The following FRMD6 variants were observed in gnomAD, a reference collection of about 807,000 sequenced individuals.
FRMD6 encodes FERM domain-containing protein 6.
FRMD6 carries 37 observed loss-of-function variants against 73.2 expected under a neutral mutation model. The observed-to-expected ratio is 0.51, with a 90% CI of 0.39 to 0.66. FRMD6 has a LOEUF of 0.66. Ranked by LOEUF, FRMD6 falls within the 30% of genes least tolerant of loss-of-function variation. The pLI is 0.00. For synonymous variants in FRMD6, 273 were observed against 282.2 expected (o/e 0.97, Z 0.33); for missense variants, 714 against 780.5 (o/e 0.91, Z 1.02).
At chr14:51,568,489 G>A (rs978931108) in intron 1 of FRMD6, among the ~76,000 whole-genome samples, 2 of 152,218 alleles carry the variant, frequency 1.3e-5, no homozygotes, top group African/African-American at 4.8e-5. Flanking sequence ...GAGGAGAGGT[G>A]ACTAAGAAAT....
the FRMD6 span, among the ~76,000 whole-genome samples, chr14:51,439,819 G>A: frequency 2.0e-5 from 3 of 152,148 alleles, no homozygotes; most frequent in African/African-American, 7.2e-5. Context: ...AGTTACTTCT[G>A]TGTATTATTA....
chr14:51,723,768 C>A, intron 12 of FRMD6, among the ~76,000 whole-genome samples: 1 of 98,776 alleles, frequency 1.0e-5, no homozygotes, highest in African/African-American at 3.8e-5. Context: ...GAGTGAGACT[C>A]TGTCAAAAAA....
intron 1 of FRMD6, among the ~76,000 whole-genome samples, chr14:51,664,151 A>G (rs1401001616): frequency 6.6e-6 from 1 of 152,244 alleles, no homozygotes; most frequent in Non-Finnish European, 1.5e-5. Flanking sequence ...GCCACACAGC[A>G]TAGTGCCCCA....
At chr14:51,691,269 A>G (rs1450418307) in intron 2 of FRMD6, among the ~76,000 whole-genome samples, 1 of 152,344 alleles carries the variant, frequency 6.6e-6, no homozygotes, top group East Asian at 1.9e-4. Flanking sequence ...ATGGATAGAT[A>G]TTGAGTTTTG....
At chr14:51,630,816 A>G (rs1891307318) in intron 2 of FRMD6, among the ~76,000 whole-genome samples, 1 of 152,232 alleles carries the variant, frequency 6.6e-6, no homozygotes, top group Non-Finnish European at 1.5e-5. Context: ...TCAACTAATG[A>G]GAAAATGTAA....
chr14:51,403,842 G>A, the FRMD6 span, among the ~76,000 whole-genome samples: 2 of 151,902 alleles, frequency 1.3e-5, no homozygotes, highest in African/African-American at 2.4e-5. Flanking sequence ...ATAAACTTTT[G>A]GATTTTTTTC....
chr14:51,586,318 A>T (rs1889048723), intron 2 of FRMD6, among the ~76,000 whole-genome samples: 1 of 152,040 alleles, frequency 6.6e-6, no homozygotes, highest in Admixed American at 6.6e-5. Flanking sequence ...TTCAATTTGC[A>T]CGTCTCTGGT....
At chr14:51,544,493 T>C (rs1229887475) in intron 1 of FRMD6, among the ~76,000 whole-genome samples, 1 of 152,066 alleles carries the variant, frequency 6.6e-6, no homozygotes, top group Non-Finnish European at 1.5e-5. Context: ...TATATACTCA[T>C]AGTTTGAAAA....
At chr14:51,590,120 A>G (rs1046690007) in intron 2 of FRMD6, among the ~76,000 whole-genome samples, 2 of 151,894 alleles carry the variant, frequency 1.3e-5, no homozygotes, top group Non-Finnish European at 2.9e-5. Flanking sequence ...AAGTTTTGTT[A>G]ATGTTGGATT....
At chr14:51,585,348 C>G (rs1008946233) in intron 2 of FRMD6, among the ~76,000 whole-genome samples, 4 of 152,162 alleles carry the variant, frequency 2.6e-5, no homozygotes, top group African/African-American at 9.7e-5. Flanking sequence ...GGAGTGACCC[C>G]TTTCTCCTTT....
At chr14:51,426,619 A>G in the FRMD6 span, among the ~76,000 whole-genome samples, 3 of 152,234 alleles carry the variant, frequency 2.0e-5, no homozygotes, top group Admixed American at 2.0e-4. Flanking sequence ...AGTAATGTAT[A>G]ACCTTGAATG....
At chr14:51,440,622 G>A in the FRMD6 span, among the ~76,000 whole-genome samples, 1 of 152,150 alleles carries the variant, frequency 6.6e-6, no homozygotes, top group Non-Finnish European at 1.5e-5. Context: ...GTTTGTGAAG[G>A]CAGAATAGTG....
the FRMD6 span, among the ~76,000 whole-genome samples, chr14:51,430,186 A>G: frequency 8.8e-4 from 134 of 152,358 alleles, 1 homozygote; most frequent in Non-Finnish European, 1.3e-3. Flanking sequence ...AATGAAATTC[A>G]TGACATGTAA....
At chr14:51,610,552 C>A (rs945567279) in intron 2 of FRMD6, among the ~76,000 whole-genome samples, 1 of 151,842 alleles carries the variant, frequency 6.6e-6, no homozygotes, top group African/African-American at 2.4e-5. Flanking sequence ...AACCAGGATC[C>A]CCAACATTGC....
At chr14:51,414,214 A>G in the FRMD6 span, among the ~76,000 whole-genome samples, 1 of 152,236 alleles carries the variant, frequency 6.6e-6, no homozygotes, top group Admixed American at 6.5e-5. Flanking sequence ...TGTTTTAGAC[A>G]TGAAGTCCTT....
chr14:51,620,849 T>A (rs569668333), intron 2 of FRMD6, among the ~76,000 whole-genome samples: 1 of 152,304 alleles, frequency 6.6e-6, no homozygotes, highest in South Asian at 2.1e-4. Context: ...AGACATATCA[T>A]TGGTTACAAG....
chr14:51,580,359 T>C (rs759488254), intron 2 of FRMD6, among the ~76,000 whole-genome samples: 7 of 152,202 alleles, frequency 4.6e-5, no homozygotes, highest in Non-Finnish European at 7.3e-5. Context: ...AGTAGCAGAA[T>C]TGCAAACACC....
intron 1 of FRMD6, among the ~76,000 whole-genome samples, chr14:51,515,166 A>C (rs1350207007): frequency 6.6e-6 from 1 of 152,210 alleles, no homozygotes; most frequent in Non-Finnish European, 1.5e-5. Flanking sequence ...AGTTCTGCTA[A>C]TGGACCTCCT....
chr14:51,640,575 C>T (rs1365958768), intron 2 of FRMD6, among the ~76,000 whole-genome samples: 1 of 152,054 alleles, frequency 6.6e-6, no homozygotes, highest in African/African-American at 2.4e-5. Flanking sequence ...TTAATGATCC[C>T]GTTTACAACT....
Sources: allele counts gnomAD v4.1 joint callset (sites outside exome capture counted in the v4.1 genomes callset), GRCh38; gene constraint gnomAD v4.1.1; transcripts MANE v1.5; gene names NCBI Gene and HGNC (gene_info 2026-07-23, HGNC 2026-07-21).